Variants in NIM1K observed in about 807,000 individuals in gnomAD.
NIM1K encodes NIM1 serine/threonine protein kinase, also known as serine/threonine-protein kinase NIM1.
NIM1K carries 35 observed loss-of-function variants against 37.1 expected under a neutral mutation model. The ratio of observed to expected loss-of-function variants is 0.94; its 90% CI spans 0.72 to 1.25. NIM1K has a LOEUF of 1.25. NIM1K is among the 50% of genes most tolerant of loss of function. NIM1K has a pLI of 0.00. For missense variants in NIM1K, 564 were observed against 548.0 expected (o/e 1.03, Z -0.29); for synonymous variants, 234 against 206.6 (o/e 1.13, Z -1.14).
At chr5:43,260,160 T>C (rs899805206) in intron 2 of NIM1K, among the ~76,000 whole-genome samples, 1 of 152,322 alleles carries the variant, frequency 6.6e-6, no homozygotes, top group Middle Eastern at 3.4e-3. Flanking sequence ...TATATGATCA[T>C]ATCATCAGCA....
intron 2 of NIM1K, among the ~76,000 whole-genome samples, chr5:43,265,215 C>A (rs1258220877): frequency 6.6e-6 from 1 of 152,190 alleles, no homozygotes; most frequent in African/African-American, 2.4e-5. Flanking sequence ...AGAGTGTTTT[C>A]CAACTTGGTT....
chr5:43,257,024 C>T (rs765027684), intron 2 of NIM1K, among the ~76,000 whole-genome samples: 1 of 152,020 alleles, frequency 6.6e-6, no homozygotes, highest in Non-Finnish European at 1.5e-5. Flanking sequence ...ATGGAATCAC[C>T]AAGGAGGTGA....
At chr5:43,232,488 T>A in intron 1 of NIM1K, 1 of 1,514,918 alleles carries the variant, frequency 6.6e-7, no homozygotes, top group Non-Finnish European at 9.2e-7. Context: ...CCTATCAACC[T>A]ATTCAGTTTA....
intron 2 of NIM1K, among the ~76,000 whole-genome samples, chr5:43,276,610 A>T (rs771311810): frequency 3.9e-5 from 6 of 152,240 alleles, no homozygotes; most frequent in African/African-American, 9.6e-5. Flanking sequence ...TGATGGAGAG[A>T]ATGAACCAGG....
At chr5:43,229,312 AG>A (rs1752503685) in intron 1 of NIM1K, among the ~76,000 whole-genome samples, 1 of 132,690 alleles carries the variant, frequency 7.5e-6, no homozygotes, top group Non-Finnish European at 1.5e-5. Flanking sequence ...TTGAACTGGG[AG>A]GTGGAGGTTG....
At position 43,253,907 on chromosome 5, in the gene NIM1K, C is replaced by T. The variant is rs147615958; in HGVS notation, c.292+7840C>T. On this transcript the variant is annotated intron_variant, in intron 2 of 3. Coordinates refer to ENST00000326035, the MANE Select transcript of NIM1K (RefSeq NM_153361.4). The stretch of plus-strand genomic sequence containing the variant: ...CGAATTCCTGACCTCGTGATCCGCC[C>T]GCCTCAGCCTCCCAAAGTGCTGGGA... Among the ~76,000 whole-genome samples the T allele has an allele frequency of 4.6e-5, 7 of 152,152 alleles. No homozygotes were observed. In the South Asian group the frequency reaches 1.5e-3, roughly 32 times the overall value.
chr5:43,231,161 T>C (rs1752532793), intron 1 of NIM1K, among the ~76,000 whole-genome samples: 3 of 151,990 alleles, frequency 2.0e-5, no homozygotes, highest in Non-Finnish European at 4.4e-5. Flanking sequence ...CTACAAAAAA[T>C]AAAAAATTAG....
chr5:43,234,843 C>T (rs1337896465), intron 1 of NIM1K, among the ~76,000 whole-genome samples: 1 of 152,010 alleles, frequency 6.6e-6, no homozygotes, highest in East Asian at 1.9e-4. Flanking sequence ...CCATATTGGC[C>T]AGGCTGGTCT....
chr5:43,270,803 G>A (rs895816714), intron 2 of NIM1K, among the ~76,000 whole-genome samples: 8 of 152,172 alleles, frequency 5.3e-5, no homozygotes, highest in African/African-American at 1.7e-4. Flanking sequence ...GGGGAACTTA[G>A]GGAGTGCCCG....
chr5:43,228,153 T>A (rs1328606890), intron 1 of NIM1K, among the ~76,000 whole-genome samples: 1 of 143,226 alleles, frequency 7.0e-6, no homozygotes, highest in Non-Finnish European at 1.5e-5. Flanking sequence ...GGTTGAGACC[T>A]TTTTTTTTTT....
Position 43,277,223 on chromosome 5 carries a change from A to AG in NIM1K, c.464dup (p.Gly156TrpfsTer8), listed in dbSNP as rs764914227. On this transcript the variant is annotated frameshift_variant, in exon 3 of 4. Transcript: ENST00000326035. LOFTEE classifies it high-confidence loss of function. ...AGCTGCACTTGGTGATGGAGTATGC[A>AG]GGGGGTGGGGAGCTCTTCGGAAAAA... The AG allele has an allele frequency of 5.3e-4, 862 of 1,613,930 alleles. No individual in the cohort carries two copies. The highest frequency in any genetic ancestry group is 7.1e-4 in the Non-Finnish European group (836 of 1,180,012).
intron 1 of NIM1K, chr5:43,232,923 G>T: frequency 1.7e-6 from 2 of 1,154,704 alleles, no homozygotes; most frequent in Non-Finnish European, 2.6e-6. Context: ...AGAGCTGGTT[G>T]TAGGTGCCAG....
intron 3 of NIM1K, among the ~76,000 whole-genome samples, chr5:43,278,756 A>G (rs923493427): frequency 6.6e-6 from 1 of 152,172 alleles, no homozygotes; most frequent in South Asian, 2.1e-4. Context: ...CAAAAGAGGG[A>G]GAATTTGCAA....
Position 43,280,279 on chromosome 5 carries a change from A to C in NIM1K, c.861A>C (p.Thr287=). Residue 287 remains threonine, a synonymous_variant, in exon 4 of 4, where the codon ACA becomes ACC. Transcript: ENST00000326035. The part of the protein sequence containing the change: ...AKLKKSILEG[T]YSVPPHVSEP... ...TAAAAAAGAGCATCCTCGAGGGCAC[A>C]TACAGTGTACCGCCGCACGTGTCAG... The C allele has an allele frequency of 1.2e-6, 2 of 1,614,196 alleles. No individual in the cohort carries two copies. The highest frequency in any genetic ancestry group is 1.7e-6 in the Non-Finnish European group (2 of 1,180,038).
chr5:43,208,359 C>G (rs1752148744), intron 1 of NIM1K, among the ~76,000 whole-genome samples: 3 of 152,108 alleles, frequency 2.0e-5, no homozygotes, highest in African/African-American at 7.2e-5. Context: ...AATCCCAACA[C>G]TTTGGGAGGC....
chr5:43,211,611 T>C (rs1468203868), intron 1 of NIM1K, among the ~76,000 whole-genome samples: 2 of 152,184 alleles, frequency 1.3e-5, no homozygotes. Context: ...CCTCAAGTAC[T>C]TGGAGACATC....
chr5:43,272,737 T>C (rs1267619478), intron 2 of NIM1K, among the ~76,000 whole-genome samples: 1 of 152,126 alleles, frequency 6.6e-6, no homozygotes. Flanking sequence ...TTTGAATTAG[T>C]TGTTGATACT....
chr5:43,240,565 A>G (rs1312645474), intron 1 of NIM1K, among the ~76,000 whole-genome samples: 2 of 128,406 alleles, frequency 1.6e-5, no homozygotes, highest in East Asian at 4.7e-4. Flanking sequence ...TTTTTTTGAG[A>G]TGCATTCTCT....
intron 1 of NIM1K, among the ~76,000 whole-genome samples, chr5:43,213,643 G>C (rs1752253545): frequency 6.6e-6 from 1 of 152,184 alleles, no homozygotes; most frequent in South Asian, 2.1e-4. Flanking sequence ...ACAGGTGCCT[G>C]CCACCACGCC....
Sources: gnomAD v4.1 joint callset for allele counts (sites outside exome capture counted in the v4.1 genomes callset) on GRCh38, gnomAD v4.1.1 for gene constraint, MANE v1.5 for transcripts, NCBI Gene and HGNC (gene_info 2026-07-23, HGNC 2026-07-21) for gene names.